DCC: variants seen among roughly 807,000 people sequenced by gnomAD.
DCC encodes netrin receptor DCC.
DCC carries 58 observed loss-of-function variants against 172.5 expected under a neutral mutation model. The ratio of observed to expected loss-of-function variants is 0.34; its 90% CI spans 0.27 to 0.42. The LOEUF is 0.42. Ranked by LOEUF, DCC falls within the 10% of genes least tolerant of loss-of-function variation. The probability of loss-of-function intolerance (pLI) is 1.00; values close to 1 mark genes in which losing one functional copy is unlikely to be tolerated. For synonymous variants in DCC, 709 were observed against 644.5 expected, an observed-to-expected ratio of 1.10 and a Z score of -1.52; for missense variants, 1,740 against 1,791.0, an observed-to-expected ratio of 0.97 and a Z score of 0.51.
chr18:53,101,849 G>A (rs1437215897), intron 7 of DCC, among the ~76,000 whole-genome samples: 7 of 151,076 alleles, frequency 4.6e-5, no homozygotes, highest in African/African-American at 1.7e-4. Flanking sequence ...GTGCGTGTGC[G>A]TGTGAGTGTT....
At chr18:53,191,338 T>C (rs1210710860) in intron 9 of DCC, among the ~76,000 whole-genome samples, 1 of 152,230 alleles carries the variant, frequency 6.6e-6, no homozygotes, top group Non-Finnish European at 1.5e-5. Context: ...TACATTTTTA[T>C]TTATGCCACA....
At chr18:53,131,978 T>TTA (rs2043662866) in intron 7 of DCC, among the ~76,000 whole-genome samples, 1 of 131,944 alleles carries the variant, frequency 7.6e-6, no homozygotes, top group Non-Finnish European at 1.6e-5. Flanking sequence ...TTTTTTTTTT[T>TTA]TTTTTTAGCT....
At position 52,944,581 on chromosome 18, in the gene DCC, A is replaced by G. The variant is rs2040512781; in HGVS notation, c.985+19211A>G. Among the ~76,000 whole-genome samples the G allele has an allele frequency of 2.0e-5, 3 of 152,350 alleles. No individual in the cohort carries two copies. The South Asian group carries it at 6.2e-4, about 32-fold the overall frequency. ...GGAGGTAAAAAATGTATTAAAAAGC[A>G]AAAGAAGTCTATAGCACTGGAGCTT... On this transcript the variant is annotated intron_variant, in intron 5 of 28. Coordinates refer to ENST00000442544, the MANE Select transcript of DCC (RefSeq NM_005215.4).
At chr18:53,316,196 T>C (rs1191504054) in intron 13 of DCC, among the ~76,000 whole-genome samples, 1 of 152,220 alleles carries the variant, frequency 6.6e-6, no homozygotes, top group East Asian at 1.9e-4. Flanking sequence ...CTCAACATCA[T>C]TTATTAAATA....
At chr18:52,742,428 G>A (rs1312052483) in intron 1 of DCC, among the ~76,000 whole-genome samples, 1 of 152,144 alleles carries the variant, frequency 6.6e-6, no homozygotes, top group African/African-American at 2.4e-5. Context: ...AAACCTAGAA[G>A]GATAGGGATT....
chr18:53,410,518 G>T lies in DCC; in HGVS notation c.3002G>T (p.Ser1001Ile), dbSNP rs1490582897. Residue 1001 changes from serine to isoleucine, a missense_variant, in exon 20 of 29, where the codon AGT becomes ATT. By Grantham distance (142) the Ser-to-Ile change is moderately radical. This residue lies in a region of DCC where 1,732 missense variants were observed against 1,767.4 expected (regional missense o/e 0.98). Transcript: ENST00000442544. ...GATGACTGGATTATGGAAACAATCA[G>T]TGGTGATAGGCTTACTCATCAAATC... ...PIDDWIMETI[S>I]GDRLTHQIMD... 6.2e-7 allele frequency: 1 copy of T among 1,608,048 alleles called. No individual in the cohort carries two copies. Among genetic ancestry groups the T allele is most frequent in the Admixed American group, 1.7e-5 (1 of 59,966 alleles).
intron 22 of DCC, among the ~76,000 whole-genome samples, chr18:53,439,586 C>T (rs1221830561): frequency 6.6e-6 from 1 of 152,114 alleles, no homozygotes; most frequent in Non-Finnish European, 1.5e-5. Context: ...CTTTCTCTTA[C>T]AGCGTGCCAC....
intron 2 of DCC, among the ~76,000 whole-genome samples, chr18:52,771,890 A>G: frequency 3.3e-5 from 5 of 151,050 alleles, no homozygotes; most frequent in Non-Finnish European, 5.9e-5. Context: ...AAAAAAAGAA[A>G]AAGAAAGAAC....
At chr18:52,527,562 G>A (rs2032020535) in intron 1 of DCC, among the ~76,000 whole-genome samples, 1 of 152,174 alleles carries the variant, frequency 6.6e-6, no homozygotes, top group Non-Finnish European at 1.5e-5. Flanking sequence ...GAGTTCAGTG[G>A]TTGCTAAATG....
chr18:52,581,150 T>C (rs903870711), intron 1 of DCC, among the ~76,000 whole-genome samples: 6 of 149,406 alleles, frequency 4.0e-5, no homozygotes, highest in African/African-American at 9.8e-5. Context: ...AAATATATAG[T>C]TATACACACA....
At chr18:52,493,544 G>A (rs958470516) in intron 1 of DCC, among the ~76,000 whole-genome samples, 2 of 151,996 alleles carry the variant, frequency 1.3e-5, no homozygotes, top group African/African-American at 4.8e-5. Flanking sequence ...TCCTCAAAAT[G>A]CCCAGGTTTC....
intron 1 of DCC, among the ~76,000 whole-genome samples, chr18:52,429,246 T>G (rs1486705299): frequency 1.3e-5 from 2 of 152,072 alleles, no homozygotes; most frequent in African/African-American, 4.8e-5. Context: ...TTACTATCAC[T>G]AATTTACAAT....
intron 12 of DCC, among the ~76,000 whole-genome samples, chr18:53,295,485 A>C (rs1204403724): frequency 6.6e-6 from 1 of 152,170 alleles, no homozygotes; most frequent in African/African-American, 2.4e-5. Context: ...TTTATGTTCT[A>C]GCTTGAAATT....
intron 1 of DCC, among the ~76,000 whole-genome samples, chr18:52,692,476 T>G (rs1218481229): frequency 9.2e-5 from 14 of 152,144 alleles, no homozygotes; most frequent in Non-Finnish European, 2.1e-4. Flanking sequence ...TCTCACTCTG[T>G]TGCTCAGGTT....
intron 2 of DCC, among the ~76,000 whole-genome samples, chr18:52,840,947 A>T (rs1043420798): frequency 8.0e-6 from 1 of 125,062 alleles, no homozygotes; most frequent in African/African-American, 2.7e-5. Flanking sequence ...ACCTTCTGAA[A>T]GGTTAGATGC....
Position 52,870,684 on chromosome 18 carries a change from G to A in DCC, c.413-35360G>A, listed in dbSNP as rs115900082. ...CCACCTTGACCTGCCAATCAGTCCC[G>A]TGCCCCACCCCCCACCCAGCAACTG... On this transcript the variant is annotated intron_variant, in intron 2 of 28. Coordinates refer to ENST00000442544, the MANE Select transcript of DCC (RefSeq NM_005215.4). 2.0e-3 allele frequency among the ~76,000 whole-genome samples: 296 copies of A among 145,722 alleles called. 1 individual carries two copies. The highest frequency in any genetic ancestry group is 7.1e-3 in the African/African-American group (275 of 38,952).
intron 1 of DCC, among the ~76,000 whole-genome samples, chr18:52,429,811 A>C (rs1271794432): frequency 1.3e-5 from 2 of 152,162 alleles, no homozygotes; most frequent in Non-Finnish European, 2.9e-5. Flanking sequence ...GGGAATTCTA[A>C]AGTAATTAAA....
At chr18:52,815,784 C>A (rs8082829) in intron 2 of DCC, among the ~76,000 whole-genome samples, 49,443 of 152,020 alleles carry the variant, frequency 0.33, 8,452 homozygotes, top group African/African-American at 0.43. Flanking sequence ...TGATATATCT[C>A]CAATGATATA....
At chr18:52,597,167 G>A (rs951128744) in intron 1 of DCC, among the ~76,000 whole-genome samples, 1 of 152,150 alleles carries the variant, frequency 6.6e-6, no homozygotes, top group African/African-American at 2.4e-5. Flanking sequence ...TTTGCAGAAG[G>A]TGTCTTTGAA....
Sources: gnomAD v4.1 joint callset for allele counts (sites outside exome capture counted in the v4.1 genomes callset) on GRCh38, gnomAD v4.1.1 for gene constraint, gnomAD v4.1.1 regional missense constraint, MANE v1.5 for transcripts, NCBI Gene and HGNC (gene_info 2026-07-23, HGNC 2026-07-21) for gene names.